Variants in XKR9 observed in about 807,000 individuals in gnomAD.
XKR9 encodes XK related 9, also known as XK-related protein 9.
XKR9 carries 32 observed loss-of-function variants against 32.0 expected under a neutral mutation model. That is an observed-to-expected ratio of 1.00 (90% CI 0.76 to 1.34). XKR9 has a LOEUF of 1.34. Ranked by LOEUF, XKR9 falls within the 40% of genes most tolerant of loss-of-function variation. XKR9 has a pLI of 0.00. For synonymous variants in XKR9, 168 were observed against 143.4 expected, an observed-to-expected ratio of 1.17 and a Z score of -1.22; for missense variants, 546 against 429.7, an observed-to-expected ratio of 1.27 and a Z score of -2.39.
At chr8:70,825,365 T>C in the XKR9 span, among the ~76,000 whole-genome samples, 3 of 152,064 alleles carry the variant, frequency 2.0e-5, no homozygotes, top group Non-Finnish European at 4.4e-5. Context: ...TCCCATTGCT[T>C]ATTTCCTCCT....
At chr8:70,717,240 G>C (rs1458627457) in intron 4 of XKR9, among the ~76,000 whole-genome samples, 1 of 151,850 alleles carries the variant, frequency 6.6e-6, no homozygotes, top group African/African-American at 2.4e-5. Context: ...GAGGATGGTG[G>C]CTGTCTTCTC....
At chr8:70,720,921 C>G (rs1275348357) in intron 4 of XKR9, among the ~76,000 whole-genome samples, 1 of 152,112 alleles carries the variant, frequency 6.6e-6, no homozygotes, top group Non-Finnish European at 1.5e-5. Flanking sequence ...CTGTGAATCC[C>G]TCTTGTCCTG....
chr8:70,785,698 T>G (rs1187927362), intron 2 of XKR9, among the ~76,000 whole-genome samples: 1 of 149,204 alleles, frequency 6.7e-6, no homozygotes, highest in African/African-American at 2.5e-5. Flanking sequence ...AGTTTTGGTG[T>G]GTTGTATTTA....
chr8:70,673,356 C>A lies in XKR9; in HGVS notation c.-360-1462C>A, dbSNP rs979981165. 2.6e-5 allele frequency among the ~76,000 whole-genome samples: 4 copies of A among 151,844 alleles called. No homozygotes were observed. The South Asian group carries it at 8.3e-4, about 31-fold the overall frequency. On this transcript the variant is annotated intron_variant, in intron 1 of 4. Coordinates refer to ENST00000408926, the MANE Select transcript of XKR9 (RefSeq NM_001011720.2). ...TCATTTGGCAGATGAAGGAATAGGC[C>A]AAATGATTTAAAAGTAAGGCAACTT...
At chr8:71,028,696 T>C in the XKR9 span, among the ~76,000 whole-genome samples, 1 of 152,204 alleles carries the variant, frequency 6.6e-6, no homozygotes. Context: ...ATTGTATACA[T>C]ATAACAAAAC....
the XKR9 span, among the ~76,000 whole-genome samples, chr8:70,990,764 A>G: frequency 6.6e-6 from 1 of 151,164 alleles, no homozygotes; most frequent in Non-Finnish European, 1.5e-5. Flanking sequence ...AGAGAGAGAG[A>G]GAGAAAGAGA....
At chr8:70,772,709 T>C (rs2130235356) in intron 2 of XKR9, among the ~76,000 whole-genome samples, 1 of 152,310 alleles carries the variant, frequency 6.6e-6, no homozygotes, top group African/African-American at 2.4e-5. Context: ...ATTATATTTA[T>C]GTAGAAATGT....
chr8:70,999,228 C>A, the XKR9 span, among the ~76,000 whole-genome samples: 1 of 152,058 alleles, frequency 6.6e-6, no homozygotes, highest in African/African-American at 2.4e-5. Context: ...TTAAAGATTT[C>A]TCCAAAAGAT....
chr8:70,847,941 G>C, the XKR9 span, among the ~76,000 whole-genome samples: 1 of 152,040 alleles, frequency 6.6e-6, no homozygotes, highest in African/African-American at 2.4e-5. Flanking sequence ...AATGGAAAAG[G>C]AGGGAATTAT....
intron 2 of XKR9, chr8:70,781,030 G>T (rs1030223825): frequency 6.6e-6 from 1 of 151,314 alleles, no homozygotes; most frequent in African/African-American, 2.4e-5. Context: ...CACTATCCTC[G>T]GACCAACGAT....
intron 2 of XKR9, among the ~76,000 whole-genome samples, chr8:70,758,411 T>G (rs1293348349): frequency 6.6e-6 from 1 of 152,214 alleles, no homozygotes; most frequent in East Asian, 1.9e-4. Flanking sequence ...TTGTGGTTCT[T>G]TGGACAGAAA....
the XKR9 span, among the ~76,000 whole-genome samples, chr8:70,896,997 C>T: frequency 6.6e-6 from 1 of 151,894 alleles, no homozygotes; most frequent in Non-Finnish European, 1.5e-5. Flanking sequence ...TTTTTTGTAC[C>T]AATGGACCAT....
intron 2 of XKR9, among the ~76,000 whole-genome samples, chr8:70,766,690 T>A (rs1807380830): frequency 6.6e-6 from 1 of 152,208 alleles, no homozygotes; most frequent in Non-Finnish European, 1.5e-5. Context: ...TCAAAGGGAA[T>A]GCTTCCAGCT....
the XKR9 span, among the ~76,000 whole-genome samples, chr8:71,031,394 A>G: frequency 1.3e-5 from 2 of 152,200 alleles, no homozygotes; most frequent in African/African-American, 2.4e-5. Flanking sequence ...CCACTATGGT[A>G]CCAGTTAATG....
the XKR9 span, among the ~76,000 whole-genome samples, chr8:70,834,674 G>A: frequency 1.3e-5 from 2 of 152,074 alleles, no homozygotes; most frequent in South Asian, 2.1e-4. Flanking sequence ...ATAAATCCTT[G>A]CGTATATTCG....
chr8:71,035,806 T>TC, the XKR9 span, among the ~76,000 whole-genome samples: 2 of 152,116 alleles, frequency 1.3e-5, no homozygotes. Context: ...CCTGCCATTC[T>TC]CCCCTGCAGC....
chr8:70,767,597 C>T (rs1019847861), intron 2 of XKR9, among the ~76,000 whole-genome samples: 2 of 144,664 alleles, frequency 1.4e-5, no homozygotes, highest in African/African-American at 5.1e-5. Flanking sequence ...CCTGGGTTCA[C>T]GTCATTCTCC....
chr8:70,946,643 A>T, the XKR9 span, among the ~76,000 whole-genome samples: 1 of 152,218 alleles, frequency 6.6e-6, no homozygotes, highest in Non-Finnish European at 1.5e-5. Context: ...TCCTCTTATT[A>T]CAGGATTCTA....
At chr8:70,812,376 T>C in the XKR9 span, among the ~76,000 whole-genome samples, 1 of 152,178 alleles carries the variant, frequency 6.6e-6, no homozygotes, top group Non-Finnish European at 1.5e-5. Context: ...CTTTGAAAAC[T>C]GGCACAAGAC....
Sources: allele counts gnomAD v4.1 joint callset (sites outside exome capture counted in the v4.1 genomes callset), GRCh38; gene constraint gnomAD v4.1.1; transcripts MANE v1.5; gene names NCBI Gene and HGNC (gene_info 2026-07-23, HGNC 2026-07-21).